The following ALK variants were observed in gnomAD, a reference collection of about 807,000 sequenced individuals.
ALK encodes ALK tyrosine kinase receptor.
Under a neutral mutation model 163.1 loss-of-function variants are expected in ALK, and 74 were observed. That is an observed-to-expected ratio of 0.45 (90% CI 0.38 to 0.55). The LOEUF (loss-of-function observed/expected upper bound fraction) is 0.55. Ranked by LOEUF, ALK falls within the 20% of genes least tolerant of loss-of-function variation. ALK has a pLI of 0.00. For synonymous variants in ALK, 960 were observed against 843.2 expected, an observed-to-expected ratio of 1.14 and a Z score of -2.40; for missense variants, 2,063 against 2,105.3, an observed-to-expected ratio of 0.98 and a Z score of 0.39.
chr2:29,426,056 A>C (rs899810330), intron 4 of ALK, among the ~76,000 whole-genome samples: 4 of 152,232 alleles, frequency 2.6e-5, no homozygotes, highest in Non-Finnish European at 5.9e-5. Flanking sequence ...GAGCTTTGCC[A>C]AAAACAATGG....
intron 2 of ALK, among the ~76,000 whole-genome samples, chr2:29,702,997 C>A (rs951849838): frequency 5.3e-5 from 8 of 152,162 alleles, no homozygotes; most frequent in Non-Finnish European, 8.8e-5. Context: ...ATTGGGATCC[C>A]AGTTTAGAAA....
At position 29,560,449 on chromosome 2, in the gene ALK, A is replaced by G. The variant is rs982551751; in HGVS notation, c.953-28333T>C. On this transcript the variant is annotated intron_variant, in intron 3 of 28. Coordinates refer to ENST00000389048, the MANE Select transcript of ALK (RefSeq NM_004304.5). The stretch of plus-strand genomic sequence containing the variant: ...GGATGGGAATTGAGAATGACTGCAA[A>G]TGAGCCGAAGGCCTTTTTTTGGGGT... Among the ~76,000 whole-genome samples the G allele has an allele frequency of 8.5e-5, 13 of 152,362 alleles. No individual in the cohort carries two copies. In the East Asian group the frequency reaches 1.9e-3, roughly 23 times the overall value.
chr2:29,666,163 G>A (rs1251709169), intron 3 of ALK, among the ~76,000 whole-genome samples: 1 of 152,020 alleles, frequency 6.6e-6, no homozygotes, highest in African/African-American at 2.4e-5. Context: ...CATCAAAAAA[G>A]CAATCAACTT....
intron 1 of ALK, among the ~76,000 whole-genome samples, chr2:29,876,976 C>A (rs1350492555): frequency 6.6e-6 from 1 of 152,142 alleles, no homozygotes; most frequent in East Asian, 1.9e-4. Context: ...CTGACTTCTC[C>A]CTGAAATATC....
chr2:29,903,319 G>C (rs1667463487), intron 1 of ALK, among the ~76,000 whole-genome samples: 1 of 152,164 alleles, frequency 6.6e-6, no homozygotes, highest in Admixed American at 6.5e-5. Flanking sequence ...ATGAAAGATA[G>C]AAAGAACTTG....
At chr2:29,832,766 A>G (rs1665454386) in intron 1 of ALK, among the ~76,000 whole-genome samples, 1 of 152,204 alleles carries the variant, frequency 6.6e-6, no homozygotes, top group African/African-American at 2.4e-5. Flanking sequence ...GCTCTGAGTG[A>G]GGCACTGCCC....
At chr2:29,363,232 A>G (rs1455655486) in intron 5 of ALK, among the ~76,000 whole-genome samples, 1 of 152,222 alleles carries the variant, frequency 6.6e-6, no homozygotes, top group South Asian at 2.1e-4. Context: ...GTATGCACTA[A>G]CATAAATCAA....
intron 12 of ALK, among the ~76,000 whole-genome samples, chr2:29,250,353 G>T (rs1236406975): frequency 6.6e-6 from 1 of 152,200 alleles, no homozygotes; most frequent in African/African-American, 2.4e-5. Flanking sequence ...AGCTCGTTTG[G>T]GGGCCACCCA....
rs1326072708 is a variant in ALK at position 29,810,442 on chromosome 2, G to A, written c.668-92745C>T. Reference sequence around the variant, plus strand: ...CATCTCAAAAAAAAAAAAAAAAAAGGGATAGTCATACTATCAAATGTTATC... The same window carrying A: ...CATCTCAAAAAAAAAAAAAAAAAAGAGATAGTCATACTATCAAATGTTATC... On this transcript the variant is annotated intron_variant, in intron 1 of 28. Coordinates refer to ENST00000389048, the MANE Select transcript of ALK (RefSeq NM_004304.5). Among the ~76,000 whole-genome samples, 3 of 151,562 alleles carry A rather than the reference G, an allele frequency of 2.0e-5. No homozygotes were observed. The East Asian group carries it at 5.8e-4, about 29-fold the overall frequency.
chr2:29,649,623 T>C (rs1414354090), intron 3 of ALK, among the ~76,000 whole-genome samples: 1 of 152,082 alleles, frequency 6.6e-6, no homozygotes, highest in Non-Finnish European at 1.5e-5. Flanking sequence ...TAGGGGGGCA[T>C]TCAACTAACT....
chr2:29,614,599 A>G (rs941352210), intron 3 of ALK, among the ~76,000 whole-genome samples: 1 of 152,196 alleles, frequency 6.6e-6, no homozygotes, highest in Non-Finnish European at 1.5e-5. Context: ...ACTAAGCCCC[A>G]TGCTTGGGCA....
chr2:29,741,401 T>C (rs1019445123), intron 1 of ALK, among the ~76,000 whole-genome samples: 2 of 152,206 alleles, frequency 1.3e-5, no homozygotes, highest in Non-Finnish European at 2.9e-5. Flanking sequence ...GTGGGGGAGC[T>C]ATGCATTGTG....
At chr2:29,374,896 T>G (rs1668717926) in intron 5 of ALK, among the ~76,000 whole-genome samples, 1 of 152,186 alleles carries the variant, frequency 6.6e-6, no homozygotes, top group African/African-American at 2.4e-5. Flanking sequence ...GTGAGGATAC[T>G]AAGGTCGTGA....
At chr2:29,320,609 T>G in intron 7 of ALK, 142 bp downstream of exon 7, 1 of 1,138,150 alleles carries the variant, frequency 8.8e-7, no homozygotes, top group Non-Finnish European at 1.3e-6. Context: ...GAAGAGGGAA[T>G]TGTGTGTGAA....
chr2:29,838,658 C>T (rs1665625970), intron 1 of ALK, among the ~76,000 whole-genome samples: 1 of 152,198 alleles, frequency 6.6e-6, no homozygotes, highest in South Asian at 2.1e-4. Context: ...GTGGAAGAAG[C>T]CAGACATGCA....
chr2:29,458,191 C>T (rs910087791), intron 4 of ALK, among the ~76,000 whole-genome samples: 14 of 152,186 alleles, frequency 9.2e-5, no homozygotes, highest in East Asian at 5.8e-4. Context: ...TAAACTTAAA[C>T]GTATATGCTT....
At chr2:29,242,000 C>T (rs1021657473) in intron 12 of ALK, among the ~76,000 whole-genome samples, 4 of 152,066 alleles carry the variant, frequency 2.6e-5, no homozygotes, top group Admixed American at 2.6e-4. Context: ...CTCCTAATTC[C>T]CAGACTCTCA....
chr2:29,750,949 A>G (rs1282246634), intron 1 of ALK, among the ~76,000 whole-genome samples: 1 of 152,172 alleles, frequency 6.6e-6, no homozygotes, highest in East Asian at 1.9e-4. Context: ...CTGCGCCAGT[A>G]GTCCCAGCTA....
chr2:29,297,394 A>G (rs1666224580), intron 8 of ALK, among the ~76,000 whole-genome samples: 1 of 152,184 alleles, frequency 6.6e-6, no homozygotes, highest in South Asian at 2.1e-4. Context: ...TAGTAAATGA[A>G]CTTCCTAAAG....
Sources: gnomAD v4.1 joint callset for allele counts (sites outside exome capture counted in the v4.1 genomes callset) on GRCh38, gnomAD v4.1.1 for gene constraint, MANE v1.5 for transcripts, NCBI Gene and HGNC (gene_info 2026-07-23, HGNC 2026-07-21) for gene names.